Variants in EIF3H observed in about 807,000 individuals in gnomAD.
The protein encoded by EIF3H is eukaryotic translation initiation factor 3 subunit H.
A neutral mutation model predicts 44.2 loss-of-function variants in EIF3H; 26 were observed. The observed-to-expected ratio is 0.59, with a 90% CI of 0.43 to 0.82. The LOEUF (loss-of-function observed/expected upper bound fraction) is 0.82. Ranked by LOEUF, EIF3H falls within the 40% of genes least tolerant of loss-of-function variation. The pLI, the probability that EIF3H is intolerant of heterozygous loss-of-function variation, is 0.00. For missense variants in EIF3H, 359 were observed against 432.8 expected (o/e 0.83, Z 1.51); for synonymous variants, 166 against 151.9 (o/e 1.09, Z -0.68).
chr8:116,691,869 CA>C (rs373127282), intron 2 of EIF3H, among the ~76,000 whole-genome samples: 35 of 134,384 alleles, frequency 2.6e-4, no homozygotes, highest in Admixed American at 2.2e-4. Context: ...AAGACTGTCT[CA>C]AAAAAAAAAA....
intron 2 of EIF3H, chr8:116,689,118 T>C (rs1282120371): frequency 2.2e-6 from 1 of 450,002 alleles, no homozygotes; most frequent in African/African-American, 2.0e-5. Flanking sequence ...GAAGTTCTGA[T>C]GTATGCTGCA....
At chr8:116,671,845 A>C (rs1403141957) in intron 2 of EIF3H, among the ~76,000 whole-genome samples, 1 of 152,266 alleles carries the variant, frequency 6.6e-6, no homozygotes, top group African/African-American at 2.4e-5. Context: ...TCAAAGGCCC[A>C]GCTTCATACC....
rs556789884 is a variant in EIF3H, at chr8:116,729,992, T to A, written c.133-3820A>T. Among the ~76,000 whole-genome samples the A allele has an allele frequency of 3.3e-5, 5 of 152,372 alleles. No homozygotes were observed. In the South Asian group the frequency reaches 8.3e-4, roughly 25 times the overall value. Reference sequence around the variant, plus strand: ...AAATAATTTCCAACTTTAATATTTATGATCTTGTCATTTTAATATAATCTG... The same window carrying A: ...AAATAATTTCCAACTTTAATATTTAAGATCTTGTCATTTTAATATAATCTG... On this transcript the variant is annotated intron_variant, in intron 1 of 7. Transcript: ENST00000521861.
intron 2 of EIF3H, among the ~76,000 whole-genome samples, chr8:116,703,655 T>C (rs757077589): frequency 5.9e-5 from 9 of 152,234 alleles, no homozygotes; most frequent in Non-Finnish European, 7.3e-5. Context: ...GAAGGGCCCC[T>C]GTCCGGTGGA....
At chr8:116,733,050 G>A (rs1814978076) in intron 1 of EIF3H, among the ~76,000 whole-genome samples, 1 of 152,104 alleles carries the variant, frequency 6.6e-6, no homozygotes, top group Non-Finnish European at 1.5e-5. Context: ...TGACCAACCA[G>A]TTATAAATCA....
chr8:116,658,873 G>C lies in EIF3H; in HGVS notation c.397C>G (p.Leu133Val). Residue 133 changes from leucine (L) to valine (V), a missense_variant, in exon 3 of 8, where the codon CTC (leucine) becomes GTC (valine). This residue lies in a region of EIF3H where 91 missense variants were observed against 164.6 expected (regional missense o/e 0.55). Transcript: ENST00000521861. ...TGGTAACTAAACTGAGAGTCCAGGA[G>C]TGCCCGGGTAACGAATGAGCCATAG... The part of the protein sequence containing the change: ...TYYGSFVTRA[L>V]LDSQFSYQHA... 1 of 1,613,960 alleles carries C rather than the reference G, an allele frequency of 6.2e-7. No individual in the cohort carries two copies. The highest frequency in any genetic ancestry group is 8.5e-7 in the Non-Finnish European group (1 of 1,179,882).
chr8:116,652,498 A>C (rs1244687852), intron 5 of EIF3H, among the ~76,000 whole-genome samples: 1 of 152,248 alleles, frequency 6.6e-6, no homozygotes, highest in Non-Finnish European at 1.5e-5. Flanking sequence ...GGGGGGATGT[A>C]AACAAGTTTA....
intron 1 of EIF3H, among the ~76,000 whole-genome samples, chr8:116,736,436 C>A (rs1173860320): frequency 6.6e-6 from 1 of 152,146 alleles, no homozygotes; most frequent in Non-Finnish European, 1.5e-5. Flanking sequence ...CTGAGGCCAG[C>A]GGATCACGGG....
At chr8:116,722,383 A>C (rs1814765451) in intron 2 of EIF3H, among the ~76,000 whole-genome samples, 1 of 152,148 alleles carries the variant, frequency 6.6e-6, no homozygotes, top group African/African-American at 2.4e-5. Flanking sequence ...GTATGTCTTT[A>C]TCAGCAGCAT....
In EIF3H at chr8:116,667,354, A is replaced by G. The variant is rs949023593; in HGVS notation, c.290-8374T>C. On this transcript the variant is annotated intron_variant, in intron 2 of 7. Coordinates refer to ENST00000521861, the MANE Select transcript of EIF3H (RefSeq NM_003756.3). Reference sequence around the variant, plus strand: ...TTTTAAGAAGACATTTCTGTTATAGAAAAATCATGCTTGATTTGCCTTTCC... The same window carrying G: ...TTTTAAGAAGACATTTCTGTTATAGGAAAATCATGCTTGATTTGCCTTTCC... Among the ~76,000 whole-genome samples the G allele has an allele frequency of 4.6e-5, 7 of 152,292 alleles. No individual in the cohort carries two copies. In the South Asian group the frequency reaches 1.5e-3, roughly 32 times the overall value.
chr8:116,666,842 G>C (rs986691003), intron 2 of EIF3H, among the ~76,000 whole-genome samples: 15 of 146,780 alleles, frequency 1.0e-4, no homozygotes, highest in African/African-American at 3.5e-4. Flanking sequence ...CCAGGTATTA[G>C]ATTAATGTTA....
At chr8:116,755,582 G>A (rs551739430) in intron 1 of EIF3H, 84 bp downstream of exon 1, 8 of 1,578,800 alleles carry the variant, frequency 5.1e-6, no homozygotes, top group South Asian at 1.1e-5. Context: ...GCCCAAGGGG[G>A]AGAATGCTAG....
At chr8:116,707,153 T>C (rs185765767) in intron 2 of EIF3H, among the ~76,000 whole-genome samples, 1 of 152,342 alleles carries the variant, frequency 6.6e-6, no homozygotes, top group East Asian at 1.9e-4. Context: ...TATTTCTCTT[T>C]TAGTAATCTT....
At chr8:116,662,915 C>T (rs1813605703) in intron 2 of EIF3H, among the ~76,000 whole-genome samples, 1 of 152,126 alleles carries the variant, frequency 6.6e-6, no homozygotes, top group South Asian at 2.1e-4. Context: ...GATGAACACC[C>T]TTGCTTTTGT....
intron 2 of EIF3H, among the ~76,000 whole-genome samples, chr8:116,717,119 T>TAGA (rs1814671539): frequency 6.6e-6 from 1 of 152,112 alleles, no homozygotes; most frequent in African/African-American, 2.4e-5. Context: ...ATTATAGTTT[T>TAGA]TATCTAAGTT....
chr8:116,647,075 G>A (rs532962216), intron 6 of EIF3H, among the ~76,000 whole-genome samples: 11 of 151,986 alleles, frequency 7.2e-5, no homozygotes, highest in African/African-American at 1.9e-4. Flanking sequence ...CTACTGTTAC[G>A]GCTTTTTTTC....
chr8:116,752,679 A>AG (rs1233279616), intron 1 of EIF3H, among the ~76,000 whole-genome samples: 2 of 93,102 alleles, frequency 2.1e-5, no homozygotes, highest in Admixed American at 2.2e-4. Flanking sequence ...AAAGAAAGAA[A>AG]GAAAGAAAGA....
At chr8:116,688,969 A>G in intron 2 of EIF3H, 1 of 332,886 alleles carries the variant, frequency 3.0e-6, no homozygotes, top group Non-Finnish European at 6.2e-6. Flanking sequence ...ACCCGAGAGA[A>G]ATGAAAGCAA....
intron 1 of EIF3H, among the ~76,000 whole-genome samples, chr8:116,744,046 A>G (rs1217761667): frequency 4.0e-5 from 6 of 151,636 alleles, no homozygotes; most frequent in African/African-American, 1.2e-4. Flanking sequence ...AGTACAGACA[A>G]TGTAGTTATA....
Sources: allele counts gnomAD v4.1 joint callset (sites outside exome capture counted in the v4.1 genomes callset), GRCh38; gene constraint gnomAD v4.1.1; regional missense constraint gnomAD v4.1.1; transcripts MANE v1.5; gene names NCBI Gene and HGNC (gene_info 2026-07-23, HGNC 2026-07-21).